ABTB3: variants seen among roughly 807,000 people sequenced by gnomAD.
ABTB3 encodes ankyrin repeat and BTB domain containing 3, also known as ankyrin repeat- and BTB/POZ domain-containing protein 3.
chr12:107,575,521 C>T, the ABTB3 span, among the ~76,000 whole-genome samples: 4 of 152,254 alleles, frequency 2.6e-5, no homozygotes, highest in Non-Finnish European at 5.9e-5. Flanking sequence ...ACAGTTCTGG[C>T]AGCCAGAAGT....
the ABTB3 span, among the ~76,000 whole-genome samples, chr12:107,361,969 C>A: frequency 2.3e-4 from 35 of 152,256 alleles, 3 homozygotes; most frequent in African/African-American, 8.4e-4. Flanking sequence ...CATGTTAGGA[C>A]ATAGTGAGAA....
chr12:107,619,273 C>A, the ABTB3 span, among the ~76,000 whole-genome samples: 46 of 151,774 alleles, frequency 3.0e-4, 1 homozygote, highest in Admixed American at 1.2e-3. Flanking sequence ...AAGACACGTC[C>A]TCCTCTGTCT....
At chr12:107,599,360 A>G in the ABTB3 span, among the ~76,000 whole-genome samples, 3 of 152,234 alleles carry the variant, frequency 2.0e-5, no homozygotes, top group South Asian at 2.1e-4. Context: ...AAGCATAGCC[A>G]CAGATGGGAT....
chr12:107,338,114 C>T, the ABTB3 span, among the ~76,000 whole-genome samples: 4 of 152,264 alleles, frequency 2.6e-5, no homozygotes, highest in Admixed American at 6.5e-5. Context: ...CTATCTGAGC[C>T]GGTTTAACCT....
At chr12:107,488,096 G>T in the ABTB3 span, among the ~76,000 whole-genome samples, 1 of 152,114 alleles carries the variant, frequency 6.6e-6, no homozygotes, top group Admixed American at 6.5e-5. Flanking sequence ...AGGGATGGCT[G>T]TGATGGTACA....
the ABTB3 span, among the ~76,000 whole-genome samples, chr12:107,427,906 G>C: frequency 6.6e-6 from 1 of 152,144 alleles, no homozygotes; most frequent in Non-Finnish European, 1.5e-5. Context: ...GTCAAAATCT[G>C]GGAGCCATTT....
At chr12:107,426,653 G>A in the ABTB3 span, among the ~76,000 whole-genome samples, 43 of 152,290 alleles carry the variant, frequency 2.8e-4, no homozygotes, top group African/African-American at 1.0e-3. Flanking sequence ...TGAGAGTCAG[G>A]CTGTGAAGAA....
the ABTB3 span, among the ~76,000 whole-genome samples, chr12:107,475,072 A>C: frequency 1.3e-5 from 2 of 152,120 alleles, no homozygotes; most frequent in African/African-American, 2.4e-5. Context: ...TTAAGTGTGC[A>C]TCCTGTCTGG....
chr12:107,556,172 G>A, the ABTB3 span, among the ~76,000 whole-genome samples: 1 of 150,494 alleles, frequency 6.6e-6, no homozygotes, highest in African/African-American at 2.4e-5. Flanking sequence ...TCGGCTCACC[G>A]CAACCTCCGC....
the ABTB3 span, among the ~76,000 whole-genome samples, chr12:107,394,652 G>A: frequency 1.3e-5 from 2 of 152,142 alleles, no homozygotes. Context: ...ACCTCTTTGT[G>A]CCTCAGTTTC....
chr12:107,438,189 T>C, the ABTB3 span, among the ~76,000 whole-genome samples: 1 of 152,166 alleles, frequency 6.6e-6, no homozygotes, highest in Non-Finnish European at 1.5e-5. Flanking sequence ...TTACAGTCAC[T>C]GTGAACTCTC....
At chr12:107,362,009 C>T in the ABTB3 span, among the ~76,000 whole-genome samples, 2 of 152,124 alleles carry the variant, frequency 1.3e-5, no homozygotes, top group African/African-American at 2.4e-5. Context: ...GAAAAGAAGC[C>T]CTCATTAGAC....
chr12:107,462,032 C>A, the ABTB3 span, among the ~76,000 whole-genome samples: 1 of 152,132 alleles, frequency 6.6e-6, no homozygotes, highest in Non-Finnish European at 1.5e-5. Flanking sequence ...TGAGCCCTTC[C>A]TGATGGGTTG....
the ABTB3 span, among the ~76,000 whole-genome samples, chr12:107,400,195 A>G: frequency 6.6e-6 from 1 of 152,314 alleles, no homozygotes; most frequent in East Asian, 1.9e-4. Context: ...TCCTTTGGGT[A>G]TATACCAAGT....
chr12:107,644,350 G>A, the ABTB3 span, among the ~76,000 whole-genome samples: 2 of 152,170 alleles, frequency 1.3e-5, no homozygotes, highest in East Asian at 3.9e-4. Flanking sequence ...CCAATGCCCA[G>A]GCTATACATC....
chr12:107,467,560 C>A, the ABTB3 span, among the ~76,000 whole-genome samples: 618 of 152,260 alleles, frequency 4.1e-3, 5 homozygotes, highest in African/African-American at 0.014. Flanking sequence ...TTAGGAAACA[C>A]CTGGATTCTG....
chr12:107,445,557 T>C, the ABTB3 span, among the ~76,000 whole-genome samples: 2 of 152,170 alleles, frequency 1.3e-5, no homozygotes, highest in Non-Finnish European at 2.9e-5. Context: ...CAAACAGCAC[T>C]GACAGAAGAA....
chr12:107,455,803 T>C, the ABTB3 span, among the ~76,000 whole-genome samples: 4 of 152,298 alleles, frequency 2.6e-5, no homozygotes, highest in Admixed American at 6.5e-5. Context: ...CCTCTGATGG[T>C]ACAGCTGGGC....
chr12:107,653,425 G>A, the ABTB3 span, among the ~76,000 whole-genome samples: 1 of 151,962 alleles, frequency 6.6e-6, no homozygotes, highest in East Asian at 1.9e-4. Context: ...GCTGAGGCAG[G>A]AGAATGGCAT....
Sources: gnomAD v4.1 joint callset for allele counts (sites outside exome capture counted in the v4.1 genomes callset) on GRCh38, gnomAD v4.1.1 for gene constraint, MANE v1.5 for transcripts, NCBI Gene and HGNC (gene_info 2026-07-23, HGNC 2026-07-21) for gene names.